Variants in L3MBTL4 observed in about 807,000 individuals in gnomAD.
L3MBTL4 encodes the protein L3MBTL histone methyl-lysine binding protein 4.
Under a neutral mutation model 84.5 loss-of-function variants are expected in L3MBTL4, and 70 were observed. The observed-to-expected ratio is 0.83, with a 90% CI of 0.68 to 1.01. The LOEUF (loss-of-function observed/expected upper bound fraction) is 1.01. Among genes scored for constraint, L3MBTL4 ranks in the 50% least tolerant of loss-of-function variants. The pLI, the probability that L3MBTL4 is intolerant of heterozygous loss-of-function variation, is 0.00. For missense variants in L3MBTL4, 715 were observed against 754.8 expected (o/e 0.95, Z 0.62); for synonymous variants, 274 against 259.8 (o/e 1.05, Z -0.52).
At chr18:6,142,880 G>A (rs2060239910) in intron 13 of L3MBTL4, among the ~76,000 whole-genome samples, 2 of 152,030 alleles carry the variant, frequency 1.3e-5, no homozygotes, top group Admixed American at 1.3e-4. Flanking sequence ...CAGTGAGACT[G>A]TATCTCAAAA....
At chr18:6,213,322 A>T (rs1229128327) in intron 11 of L3MBTL4, 63 bp from the exon 12 acceptor site, 2 of 875,788 alleles carry the variant, frequency 2.3e-6, no homozygotes, top group Non-Finnish European at 1.8e-6. Flanking sequence ...TATCCTACTA[A>T]TTTTTTCTAA....
chr18:5,976,844 G>A (rs2052957591), intron 16 of L3MBTL4, among the ~76,000 whole-genome samples: 1 of 152,150 alleles, frequency 6.6e-6, no homozygotes, highest in Non-Finnish European at 1.5e-5. Context: ...CAGAGTTAGA[G>A]CCACTTTCTC....
At chr18:5,969,278 GC>G (rs1369154858) in intron 17 of L3MBTL4, 114 bp downstream of exon 17, 1 of 1,135,850 alleles carries the variant, frequency 8.8e-7, no homozygotes, top group African/African-American at 1.5e-5. Context: ...CAGATGCGAT[GC>G]CTAAGAGAAA....
At chr18:5,997,863 T>C (rs1265179945) in intron 16 of L3MBTL4, among the ~76,000 whole-genome samples, 1 of 152,086 alleles carries the variant, frequency 6.6e-6, no homozygotes, top group Non-Finnish European at 1.5e-5. Flanking sequence ...TTGTGGGTTA[T>C]ATGTAAGTAT....
intron 16 of L3MBTL4, among the ~76,000 whole-genome samples, chr18:6,075,757 A>G (rs187906646): frequency 2.0e-5 from 3 of 152,324 alleles, no homozygotes; most frequent in Admixed American, 1.3e-4. Flanking sequence ...CTGTAATACA[A>G]TTATAAAACA....
At chr18:6,393,078 A>T (rs201913923) in intron 1 of L3MBTL4, among the ~76,000 whole-genome samples, 1 of 35,188 alleles carries the variant, frequency 2.8e-5, no homozygotes, top group African/African-American at 1.1e-4. Context: ...TGATTGAAAT[A>T]AAAAAAAAAA....
intron 10 of L3MBTL4, among the ~76,000 whole-genome samples, chr18:6,236,764 G>C (rs1228461087): frequency 6.6e-6 from 1 of 151,956 alleles, no homozygotes; most frequent in Non-Finnish European, 1.5e-5. Context: ...GACCAAACAG[G>C]CATTTTTGAA....
chr18:6,331,257 C>A (rs912321445), intron 1 of L3MBTL4, among the ~76,000 whole-genome samples: 1 of 152,098 alleles, frequency 6.6e-6, no homozygotes, highest in African/African-American at 2.4e-5. Context: ...ACTAATAAAC[C>A]TTCACTCACT....
At chr18:6,256,546 C>T (rs2048145974) in intron 5 of L3MBTL4, among the ~76,000 whole-genome samples, 1 of 150,720 alleles carries the variant, frequency 6.6e-6, no homozygotes, top group Non-Finnish European at 1.5e-5. Context: ...TGAAATCATA[C>T]TAGATTATAA....
chr18:6,329,530 A>G lies in L3MBTL4; in HGVS notation c.-90-17474T>C, dbSNP rs180470. Among the ~76,000 whole-genome samples, 979 of 152,252 alleles carry G rather than the reference A, an allele frequency of 6.4e-3. 14 individuals are homozygous for G. Among genetic ancestry groups the G allele is most frequent in the African/African-American group, 0.023 (947 of 41,538 alleles). ...GTCCATTTTCTGTTGCTTATAACAT[A>G]ACACATGAAACTGGGTAATTTATAA... is the stretch of plus-strand genomic sequence containing the variant. On this transcript the variant is annotated intron_variant, in intron 1 of 18. Coordinates refer to ENST00000317931, the MANE Select transcript of L3MBTL4 (RefSeq NM_001330559.2).
At chr18:6,214,959 T>G (rs1309988891) in intron 11 of L3MBTL4, among the ~76,000 whole-genome samples, 1 of 152,230 alleles carries the variant, frequency 6.6e-6, no homozygotes, top group Admixed American at 6.5e-5. Flanking sequence ...TCTACTTTCC[T>G]GATTTTATTA....
chr18:6,372,825 T>A (rs1427343884), intron 1 of L3MBTL4, among the ~76,000 whole-genome samples: 1 of 152,264 alleles, frequency 6.6e-6, no homozygotes. Context: ...AACAACAGTC[T>A]GACTCCAATT....
chr18:6,069,910 A>G (rs2057528839), intron 16 of L3MBTL4, among the ~76,000 whole-genome samples: 1 of 152,178 alleles, frequency 6.6e-6, no homozygotes, highest in Admixed American at 6.5e-5. Context: ...GAAATAAACA[A>G]TAATTTAATT....
intron 1 of L3MBTL4, among the ~76,000 whole-genome samples, chr18:6,318,138 C>A (rs2051204503): frequency 6.6e-6 from 1 of 151,962 alleles, no homozygotes; most frequent in African/African-American, 2.4e-5. Context: ...TCAGTATGCA[C>A]TAGAATAGAA....
intron 16 of L3MBTL4, among the ~76,000 whole-genome samples, chr18:6,035,040 G>A (rs1268544039): frequency 6.6e-6 from 1 of 151,716 alleles, no homozygotes; most frequent in African/African-American, 2.4e-5. Context: ...TGTAGATTCT[G>A]GATATTAGCC....
At chr18:6,048,124 A>G (rs1421150565) in intron 16 of L3MBTL4, among the ~76,000 whole-genome samples, 1 of 152,234 alleles carries the variant, frequency 6.6e-6, no homozygotes, top group East Asian at 1.9e-4. Flanking sequence ...ATTCAAGCTG[A>G]GAGCCAAATC....
At chr18:6,309,980 G>A (rs2050754212) in intron 3 of L3MBTL4, among the ~76,000 whole-genome samples, 1 of 152,152 alleles carries the variant, frequency 6.6e-6, no homozygotes, top group Non-Finnish European at 1.5e-5. Context: ...AGAATCACCT[G>A]GATTGTTAAA....
chr18:5,971,351 G>C (rs2052633716), intron 16 of L3MBTL4, among the ~76,000 whole-genome samples: 1 of 152,158 alleles, frequency 6.6e-6, no homozygotes, highest in Admixed American at 6.5e-5. Flanking sequence ...CACTCTTAGG[G>C]ATTAAGACCT....
At chr18:6,377,605 G>A (rs7228951) in intron 1 of L3MBTL4, among the ~76,000 whole-genome samples, 10 of 152,118 alleles carry the variant, frequency 6.6e-5, no homozygotes, top group Non-Finnish European at 1.5e-4. Context: ...AGTTTGCTGA[G>A]AATGATGGTT....
Sources: gnomAD v4.1 joint callset for allele counts (sites outside exome capture counted in the v4.1 genomes callset) on GRCh38, gnomAD v4.1.1 for gene constraint, MANE v1.5 for transcripts, NCBI Gene and HGNC (gene_info 2026-07-23, HGNC 2026-07-21) for gene names.